The following ARNT variants were observed in gnomAD, a reference collection of about 807,000 sequenced individuals.
The protein encoded by ARNT is class E basic helix-loop-helix protein 2.
ARNT carries 30 observed loss-of-function variants against 105.0 expected under a neutral mutation model. That is an observed-to-expected ratio of 0.29 (90% CI 0.21 to 0.39). The LOEUF (loss-of-function observed/expected upper bound fraction) is 0.39, where lower values mean the gene tolerates loss of function less well. Ranked by LOEUF, ARNT falls within the 10% of genes least tolerant of loss-of-function variation. The pLI is 1.00. For synonymous variants in ARNT, 304 were observed against 344.0 expected (o/e 0.88, Z 1.29); for missense variants, 748 against 978.7 (o/e 0.76, Z 3.15).
intron 18 of ARNT, 152 bp from the exon 19 acceptor site, chr1:150,816,558 T>TGACAGTCA (rs1655919997): frequency 9.4e-7 from 1 of 1,065,098 alleles, no homozygotes; most frequent in Non-Finnish European, 1.3e-6. Flanking sequence ...CAAGAAAGAC[T>TGACAGTCA]GACAGTCACA....
intron 14 of ARNT, among the ~76,000 whole-genome samples, chr1:150,821,936 T>A (rs1557863138): frequency 6.6e-6 from 1 of 151,554 alleles, no homozygotes; most frequent in Non-Finnish European, 1.5e-5. Flanking sequence ...TATCCCAACT[T>A]GGTATCCCAA....
rs375304467 is a variant in ARNT, at chr1:150,855,549, G to A, written c.138-2743C>T. Among the ~76,000 whole-genome samples the A allele has an allele frequency of 3.3e-5, 5 of 151,300 alleles. No homozygotes were observed. The South Asian group carries it at 6.3e-4, about 19-fold the overall frequency. On this transcript the variant is annotated intron_variant, in intron 2 of 21. Transcript: ENST00000358595. Reference sequence around the variant, plus strand: ...CGCACTCCAGCCTGGACAACAAAGCGAGACTCCGTCTCAAAAAAAAATAAA... The same window carrying A: ...CGCACTCCAGCCTGGACAACAAAGCAAGACTCCGTCTCAAAAAAAAATAAA...
chr1:150,866,509 A>G (rs1319784782), intron 1 of ARNT, among the ~76,000 whole-genome samples: 1 of 152,214 alleles, frequency 6.6e-6, no homozygotes, highest in Non-Finnish European at 1.5e-5. Flanking sequence ...GAAACAAAGA[A>G]TTCTGTTAAA....
intron 1 of ARNT, among the ~76,000 whole-genome samples, chr1:150,871,801 G>A (rs1269900138): frequency 1.3e-5 from 2 of 149,720 alleles, no homozygotes; most frequent in Admixed American, 6.7e-5. Flanking sequence ...CCAGCTACTC[G>A]GGAGGCTGAG....
chr1:150,826,479 AGT>A, intron 13 of ARNT, 62 bp downstream of exon 13: 1 of 1,297,456 alleles, frequency 7.7e-7, no homozygotes, highest in Non-Finnish European at 1.1e-6. Context: ...GTTAATCAGT[AGT>A]CAATATTTAT....
At position 150,813,182 on chromosome 1, in the gene ARNT, TCAG is replaced by T. The variant is rs1470838339; in HGVS notation, c.2267_2269del (p.Pro756_Glu757delinsGln). 6.8e-6 allele frequency: 11 copies of T among 1,613,122 alleles called. No homozygotes were observed. In the African/African-American group the frequency reaches 1.3e-4, roughly 20 times the overall value. On this transcript the variant is annotated inframe_deletion, in exon 21 of 22. Coordinates refer to ENST00000358595, the MANE Select transcript of ARNT (RefSeq NM_001668.4). ...TTTTCACTCTCTTACCTGGAAGACC[TCAG>T]GCTGGCCAGGTTGCTGTGCTGGCGG...
intron 1 of ARNT, among the ~76,000 whole-genome samples, chr1:150,873,910 A>C (rs1438776719): frequency 2.0e-5 from 3 of 152,052 alleles, no homozygotes; most frequent in Admixed American, 6.6e-5. Flanking sequence ...ACAGAGCAAG[A>C]ACCTGTCTGA....
chr1:150,847,167 C>T (rs1438622987), intron 3 of ARNT, among the ~76,000 whole-genome samples: 1 of 152,184 alleles, frequency 6.6e-6, no homozygotes, highest in Non-Finnish European at 1.5e-5. Context: ...CGCAGTGGCT[C>T]ACGCCTGTAA....
chr1:150,873,220 C>A (rs1234962232), intron 1 of ARNT, among the ~76,000 whole-genome samples: 1 of 150,812 alleles, frequency 6.6e-6, no homozygotes, highest in African/African-American at 2.4e-5. Context: ...ACCTGGGAGG[C>A]GGAGCTTGCA....
intron 1 of ARNT, among the ~76,000 whole-genome samples, chr1:150,874,171 T>A (rs1423821573): frequency 1.3e-5 from 2 of 152,150 alleles, no homozygotes; most frequent in East Asian, 1.9e-4. Context: ...CTGAAAACAT[T>A]TACTTTCACT....
intron 12 of ARNT, among the ~76,000 whole-genome samples, chr1:150,827,370 C>T (rs2101787640): frequency 6.6e-6 from 1 of 152,298 alleles, no homozygotes; most frequent in East Asian, 1.9e-4. Flanking sequence ...CACAAATCTG[C>T]TTTCTGCCTC....
intron 14 of ARNT, chr1:150,818,268 G>T: frequency 1.0e-5 from 4 of 401,724 alleles, no homozygotes; most frequent in African/African-American, 2.0e-5. Flanking sequence ...ACTCCTTCTA[G>T]GTATTCAAAA....
intron 8 of ARNT, among the ~76,000 whole-genome samples, chr1:150,833,619 G>A (rs1659730601): frequency 6.6e-6 from 1 of 152,110 alleles, no homozygotes; most frequent in Admixed American, 6.6e-5. Context: ...GTACAATGTA[G>A]TCAATTTCCA....
At chr1:150,845,515 G>A (rs1003636425) in intron 4 of ARNT, among the ~76,000 whole-genome samples, 4 of 152,068 alleles carry the variant, frequency 2.6e-5, no homozygotes, top group Non-Finnish European at 5.9e-5. Flanking sequence ...GGCTGAGGTG[G>A]AAGAACAGCT....
chr1:150,849,583 T>TA (rs587775281), intron 3 of ARNT, among the ~76,000 whole-genome samples: 44 of 151,986 alleles, frequency 2.9e-4, no homozygotes, highest in African/African-American at 9.6e-4. Context: ...CACAGGAGTT[T>TA]AAGACCAGCC....
At chr1:150,866,612 ACTAT>A (rs1053408313) in intron 1 of ARNT, among the ~76,000 whole-genome samples, 2 of 152,308 alleles carry the variant, frequency 1.3e-5, no homozygotes, top group East Asian at 1.9e-4. Flanking sequence ...ATTTTATAAA[ACTAT>A]CTAAGTCTTT....
At position 150,826,599 on chromosome 1, in the gene ARNT, T is replaced by C. The variant is rs778626866; in HGVS notation, c.1186A>G (p.Ile396Val). The C allele has an allele frequency of 1.4e-5, 23 of 1,612,222 alleles. No individual in the cohort carries two copies. The highest frequency in any genetic ancestry group is 2.0e-5 in the Non-Finnish European group (23 of 1,178,792). The change falls in exon 13 of 22, where the codon ATT becomes GTT. Residue 396 changes from isoleucine to valine, a missense_variant. Around this residue, in one of 4 missense-constraint regions of ARNT, gnomAD observed 291 missense variants for 444.6 expected, o/e 0.65. Transcript: ENST00000358595. ...TCTTCAGGATGACAGAATTCTACAA[T>C]ATTCTTTCCTAAGAGTTCCTAGAAT... ...YQPQELLGKNIVEFCHPEDQQ... is the reference protein window; with the variant it reads ...YQPQELLGKNVVEFCHPEDQQ...
At chr1:150,832,305 C>G (rs896617132) in intron 9 of ARNT, 29 bp downstream of exon 9, 8 of 1,612,500 alleles carry the variant, frequency 5.0e-6, no homozygotes, top group Non-Finnish European at 6.8e-6. Flanking sequence ...TTTGGCCATC[C>G]CTTTGGTTTT....
chr1:150,811,920 G>A lies in ARNT; in HGVS notation c.*101C>T, dbSNP rs1654804116. The A allele has an allele frequency of 4.6e-6, 4 of 866,914 alleles. No individual in the cohort carries two copies. The Admixed American group carries it at 1.4e-4, about 31-fold the overall frequency. 53.7% of individuals were successfully genotyped at this position (866,914 alleles called of 1,614,324 possible). A position where few individuals can be genotyped will look rare whatever the true frequency, so the allele number is the denominator to read the frequency against. Reference sequence around the variant, plus strand: ...GGGGTACATGTCAGGGGTGAGGGAAGGGAAGGGAGAGGAACTTTTATTCTG... The same window carrying A: ...GGGGTACATGTCAGGGGTGAGGGAAAGGAAGGGAGAGGAACTTTTATTCTG... On this transcript the variant is annotated 3_prime_UTR_variant, in exon 22 of 22. Transcript: ENST00000358595.
Sources: gnomAD v4.1 joint callset for allele counts (sites outside exome capture counted in the v4.1 genomes callset) on GRCh38, gnomAD v4.1.1 for gene constraint, gnomAD v4.1.1 regional missense constraint, MANE v1.5 for transcripts, NCBI Gene and HGNC (gene_info 2026-07-23, HGNC 2026-07-21) for gene names.